Variants in GRAMD1C observed in about 807,000 individuals in gnomAD.
The protein encoded by GRAMD1C is protein Aster-C.
A neutral mutation model predicts 97.8 loss-of-function variants in GRAMD1C; 89 were observed. The observed-to-expected ratio is 0.91, with a 90% confidence interval of 0.77 to 1.09. The LOEUF (loss-of-function observed/expected upper bound fraction) is 1.09. Ranked by LOEUF, GRAMD1C falls within the 50% of genes least tolerant of loss-of-function variation. The pLI is 0.00. For synonymous variants in GRAMD1C, 256 were observed against 267.0 expected (o/e 0.96, Z 0.40); for missense variants, 740 against 766.4 (o/e 0.97, Z 0.41).
At chr3:113,944,178 G>A (rs994513016) in intron 17 of GRAMD1C, among the ~76,000 whole-genome samples, 5 of 152,212 alleles carry the variant, frequency 3.3e-5, no homozygotes, top group Non-Finnish European at 4.4e-5. Context: ...AGGCTGAGGA[G>A]TCCAAGATTA....
upstream of GRAMD1C, among the ~76,000 whole-genome samples, chr3:113,833,838 T>C (rs1709596785): frequency 6.6e-6 from 1 of 152,192 alleles, no homozygotes; most frequent in African/African-American, 2.4e-5. Flanking sequence ...TTGCCACCTT[T>C]TTTGTTGCTT....
chr3:113,885,897 C>T, intron 6 of GRAMD1C: 6 of 1,612,814 alleles, frequency 3.7e-6, no homozygotes, highest in Non-Finnish European at 4.2e-6. Flanking sequence ...CAATGCCATC[C>T]CCATCAAATC....
rs370653332 is a variant in GRAMD1C at position 113,840,227 on chromosome 3, A to G, written c.27+1291A>G. On this transcript the variant is annotated intron_variant, in intron 1 of 17. Transcript: ENST00000358160. ...ATGATCCGCCCGCCTCGGCCTCCCAAAGTACTGGGATAACAGGCTTGAGCC... is the reference window on the plus strand; with the variant it reads ...ATGATCCGCCCGCCTCGGCCTCCCAGAGTACTGGGATAACAGGCTTGAGCC... 1.6e-3 allele frequency among the ~76,000 whole-genome samples: 244 copies of G among 152,130 alleles called. 3 individuals carry two copies. The South Asian group carries it at 0.032, about 20-fold the overall frequency.
At chr3:113,859,511 G>C (rs1221773953) in intron 2 of GRAMD1C, among the ~76,000 whole-genome samples, 1 of 152,084 alleles carries the variant, frequency 6.6e-6, no homozygotes, top group Non-Finnish European at 1.5e-5. Flanking sequence ...GTCTATTTTG[G>C]TAATGTTCCA....
intron 11 of GRAMD1C, among the ~76,000 whole-genome samples, 192 bp from the exon 12 acceptor site, chr3:113,933,319 G>A (rs532192440): frequency 2.4e-4 from 37 of 152,270 alleles, no homozygotes; most frequent in African/African-American, 7.5e-4. Flanking sequence ...GGCATAAGCC[G>A]CCATACCCGG....
chr3:113,830,085 G>C (rs1426396423), intron 1 of GRAMD1C, among the ~76,000 whole-genome samples: 1 of 152,108 alleles, frequency 6.6e-6, no homozygotes, highest in African/African-American at 2.4e-5. Context: ...GATTTATATA[G>C]GGCACAAAAG....
At chr3:113,882,313 T>G (rs1935299033) in intron 5 of GRAMD1C, among the ~76,000 whole-genome samples, 1 of 152,196 alleles carries the variant, frequency 6.6e-6, no homozygotes, top group Non-Finnish European at 1.5e-5. Context: ...ATTAAGATCC[T>G]TAAATCTATC....
chr3:113,844,499 C>A lies in GRAMD1C; in HGVS notation c.28-4C>A. Reference sequence around the variant, plus strand: ...AATTGACTTAGTTTGATATTTGTTTCCAGGTGATGAATGAAGGGGATTCAA... The same window carrying A: ...AATTGACTTAGTTTGATATTTGTTTACAGGTGATGAATGAAGGGGATTCAA... On this transcript the variant is annotated splice_region_variant and splice_polypyrimidine_tract_variant and intron_variant, in intron 1 of 17. Transcript: ENST00000358160. 8 of 1,586,468 alleles carry A rather than the reference C, an allele frequency of 5.0e-6. No homozygotes were observed. The highest frequency in any genetic ancestry group is 6.0e-6 in the Non-Finnish European group (7 of 1,162,030).
chr3:113,913,110 C>T (rs1285226331), intron 9 of GRAMD1C: 2 of 1,284,660 alleles, frequency 1.6e-6, no homozygotes, highest in East Asian at 5.6e-5. Flanking sequence ...CGCTGTTTAC[C>T]TGAATTTAGG....
rs1311625348 is a variant in GRAMD1C, at chr3:113,849,929, C to CA, written c.174+5280_174+5281insA. 9.2e-3 allele frequency among the ~76,000 whole-genome samples: 1,372 copies of CA among 149,696 alleles called. 16 individuals carry two copies. The highest frequency in any genetic ancestry group is 0.033 in the African/African-American group (1,316 of 40,238). ...GGCTGGCCAGGCGGGGGGGCTGACCCCCCCACCTCCCTCCCGGACGGGGCG... is the reference window on the plus strand; with the variant it reads ...GGCTGGCCAGGCGGGGGGGCTGACCCACCCCACCTCCCTCCCGGACGGGGCG... On this transcript the variant is annotated intron_variant, in intron 2 of 17. Transcript: ENST00000358160.
intron 2 of GRAMD1C, among the ~76,000 whole-genome samples, chr3:113,852,190 CAA>C (rs889563476): frequency 2.6e-5 from 4 of 151,828 alleles, no homozygotes; most frequent in Non-Finnish European, 5.9e-5. Context: ...AAAAAAATCC[CAA>C]GAGGATTAAT....
chr3:113,879,581 A>G (rs931670656), intron 5 of GRAMD1C, among the ~76,000 whole-genome samples: 2 of 151,626 alleles, frequency 1.3e-5, no homozygotes, highest in African/African-American at 4.9e-5. Context: ...CTCCTGCTCC[A>G]TACTTTTTTC....
chr3:113,937,021 T>A (rs944249062), intron 14 of GRAMD1C: 1 of 152,484 alleles, frequency 6.6e-6, no homozygotes, highest in East Asian at 1.9e-4. Context: ...CCTGCCAACT[T>A]CTGAACCACT....
At chr3:113,848,754 T>C (rs1247707311) in intron 2 of GRAMD1C, among the ~76,000 whole-genome samples, 1 of 152,162 alleles carries the variant, frequency 6.6e-6, no homozygotes, top group Non-Finnish European at 1.5e-5. Flanking sequence ...TATGGTGCGC[T>C]GTGATCATGC....
chr3:113,942,010 G>A (rs1430090917), intron 17 of GRAMD1C, among the ~76,000 whole-genome samples: 5 of 151,352 alleles, frequency 3.3e-5, no homozygotes, highest in African/African-American at 1.2e-4. Flanking sequence ...TGACCTCCTG[G>A]GCTCAAGCAA....
At chr3:113,849,381 A>C (rs938015039) in intron 2 of GRAMD1C, among the ~76,000 whole-genome samples, 6 of 151,834 alleles carry the variant, frequency 4.0e-5, no homozygotes, top group Admixed American at 3.9e-4. Context: ...AGTGGAGGGA[A>C]GCTCAGCAGA....
At chr3:113,890,664 C>T (rs1935686968) in intron 6 of GRAMD1C, 1 of 668,400 alleles carries the variant, frequency 1.5e-6, no homozygotes, top group Non-Finnish European at 2.7e-6. Flanking sequence ...TGCATTCTCT[C>T]ATTCTAGCAA....
chr3:113,869,397 C>A, intron 2 of GRAMD1C, 110 bp from the exon 3 acceptor site: 1 of 674,454 alleles, frequency 1.5e-6, no homozygotes, highest in South Asian at 1.8e-5. Context: ...TATATAAGGA[C>A]ATACAAAATA....
At chr3:113,858,921 A>G (rs2107349391) in intron 2 of GRAMD1C, among the ~76,000 whole-genome samples, 1 of 152,262 alleles carries the variant, frequency 6.6e-6, no homozygotes, top group East Asian at 1.9e-4. Flanking sequence ...TGTAGAGTCT[A>G]CAGTGCTGAC....
Sources: gnomAD v4.1 joint callset for allele counts (sites outside exome capture counted in the v4.1 genomes callset) on GRCh38, gnomAD v4.1.1 for gene constraint, MANE v1.5 for transcripts, NCBI Gene and HGNC (gene_info 2026-07-23, HGNC 2026-07-21) for gene names.